REC8: variants seen among roughly 807,000 people sequenced by gnomAD.
The protein encoded by REC8 is meiotic recombination protein REC8 homolog.
REC8 carries 42 observed loss-of-function variants against 78.3 expected under a neutral mutation model. The ratio of observed to expected loss-of-function variants is 0.54; its 90% CI spans 0.42 to 0.69. REC8 has a LOEUF of 0.69. Ranked by LOEUF, REC8 falls within the 30% of genes least tolerant of loss-of-function variation. The pLI is 0.00. For missense variants in REC8, 581 were observed against 715.8 expected (o/e 0.81, Z 2.15); for synonymous variants, 268 against 274.1 (o/e 0.98, Z 0.22).
chr14:24,180,524 T>G, downstream of REC8: 1 of 1,614,064 alleles, frequency 6.2e-7, no homozygotes, highest in Non-Finnish European at 8.5e-7. Context: ...GCTGTCGGTG[T>G]GCTGTTTGGC....
chr14:24,179,323 C>T, intron 15 of REC8, 74 bp from the exon 16 acceptor site: 1 of 1,501,790 alleles, frequency 6.7e-7, no homozygotes. Context: ...CTGCCATCTA[C>T]TTACACCAGG....
chr14:24,177,904 C>T, intron 11 of REC8, 146 bp downstream of exon 11: 1 of 1,479,392 alleles, frequency 6.8e-7, no homozygotes, highest in Non-Finnish European at 9.0e-7. Context: ...CCCATCGTAT[C>T]TGGCCTACGC....
rs2038974967 is a variant in REC8, at chr14:24,177,953, C to T, written c.865-138C>T. The T allele has an allele frequency of 6.0e-6, 9 of 1,511,722 alleles. No homozygotes were observed. In the Middle Eastern group the frequency reaches 9.9e-4, roughly 166 times the overall value. 93.6% of individuals were successfully genotyped at this position (1,511,722 alleles called of 1,614,324 possible). On this transcript the variant is annotated intron_variant, in intron 11 of 18. Coordinates refer to ENST00000611366, the MANE Select transcript of REC8 (RefSeq NM_001048205.2). ...ACCCTTATGCAAGGTATGAGCTGCTCAAGTGCATGGAGACCCCGCACAAGC... is the reference window on the plus strand; with the variant it reads ...ACCCTTATGCAAGGTATGAGCTGCTTAAGTGCATGGAGACCCCGCACAAGC...
At position 24,179,009 on chromosome 14, in the gene REC8, G is replaced by T. The variant is rs776056482; in HGVS notation, c.1204-76G>T. Reference sequence around the variant, plus strand: ...TCCTGCTATGAGAGCCAACAGCACAGGCTCACTGGCCTTGTGCCTTCTGAG... The same window carrying T: ...TCCTGCTATGAGAGCCAACAGCACATGCTCACTGGCCTTGTGCCTTCTGAG... On this transcript the variant is annotated intron_variant, in intron 14 of 18. Transcript: ENST00000611366. 21 of 1,598,306 alleles carry T rather than the reference G, an allele frequency of 1.3e-5. No individual in the cohort carries two copies. The Admixed American group carries it at 3.5e-4, about 27-fold the overall frequency.
At position 24,180,200 on chromosome 14, in the gene REC8, G is replaced by T. The variant is rs761767696; in HGVS notation, c.*105G>T. Reference sequence around the variant, plus strand: ...CCTCATTTCTGAATGTGCATTTCCAGCCTTCTTGCTCTCAGAGCTATTGTT... The same window carrying T: ...CCTCATTTCTGAATGTGCATTTCCATCCTTCTTGCTCTCAGAGCTATTGTT... On this transcript the variant is annotated 3_prime_UTR_variant, in exon 19 of 19. Transcript: ENST00000611366. 2.5e-6 allele frequency: 4 copies of T among 1,603,784 alleles called. No individual in the cohort carries two copies. Among genetic ancestry groups the T allele is most frequent in the Non-Finnish European group, 1.7e-6 (2 of 1,176,828 alleles).
chr14:24,172,726 C>A lies in REC8; in HGVS notation c.70C>A (p.Arg24Ser), dbSNP rs543783644. 1 of 1,614,172 alleles carries A rather than the reference C, an allele frequency of 6.2e-7. No homozygotes were observed. Among genetic ancestry groups the A allele is most frequent in the South Asian group, 1.1e-5 (1 of 91,088 alleles). The change falls in exon 2 of 19, where the codon CGC becomes AGC. Residue 24 changes from arginine to serine, a missense_variant. Transcript: ENST00000611366. ...CFATIWLAAT[R>S]GSRLVKREYL... ...CACCCACTTCAGGCTGGCGGCGACT[C>A]GCGGCAGCCGGTTGGTGAAGCGCGA...
chr14:24,179,230 C>CGTGTGT, intron 15 of REC8, 97 bp downstream of exon 15: 1 of 1,243,704 alleles, frequency 8.0e-7, no homozygotes, highest in African/African-American at 1.5e-5. Flanking sequence ...TGAGTGAAGG[C>CGTGTGT]GTGTGTGTGT....
rs552406292 is a variant in REC8, at chr14:24,180,020, G to A, written c.1569G>A (p.Ala523=). ...TCGCCTCTTGACCAGTGCTCTCAGC[G>A]CAACAGATTCTTCACGTGAAACAAG... ...RVFYLLLVLS[A]QQILHVKQEK... is the part of the protein sequence containing the mutation. The change falls in exon 19 of 19, where the codon GCG becomes GCA. Residue 523 remains alanine, a synonymous_variant. Transcript: ENST00000611366. The A allele has an allele frequency of 1.5e-5, 25 of 1,614,116 alleles. No homozygotes were observed. In the African/African-American group the frequency reaches 2.3e-4, roughly 15 times the overall value.
Position 24,172,378 on chromosome 14 carries a change from C to T in REC8, c.-175C>T. ...CTCAGTTATCCTGGTAATTGTGTAT[C>T]TGCCCATTGTTCGTTGCCTCATTAA... On this transcript the variant is annotated 5_prime_UTR_variant, in exon 1 of 19. Transcript: ENST00000611366. The T allele has an allele frequency of 1.6e-6, 1 of 615,498 alleles. No individual in the cohort carries two copies. The allele number at this position is 615,498 out of a possible 1,614,324, so 38.1% of individuals were successfully genotyped here.
Position 24,177,426 on chromosome 14 carries a change from G to A in REC8, c.738-39G>A, listed in dbSNP as rs967420952. ...TAGACCAGGTAGGGTGTCAGTGCTGGGAAGGGTCTCCTCATTTCTCTTGCC... is the reference window on the plus strand; with the variant it reads ...TAGACCAGGTAGGGTGTCAGTGCTGAGAAGGGTCTCCTCATTTCTCTTGCC... On this transcript the variant is annotated intron_variant, in intron 9 of 18. Coordinates refer to ENST00000611366, the MANE Select transcript of REC8 (RefSeq NM_001048205.2). 5 of 1,614,028 alleles carry A rather than the reference G, an allele frequency of 3.1e-6. No individual in the cohort carries two copies. The African/African-American group carries it at 5.3e-5, about 17-fold the overall frequency.
At position 24,172,931 on chromosome 14, in the gene REC8, T is replaced by A. The variant is rs764580362; in HGVS notation, c.158T>A (p.Val53Glu). 1.2e-6 allele frequency: 2 copies of A among 1,611,486 alleles called. No homozygotes were observed. The highest frequency in any genetic ancestry group is 3.3e-5 in the Admixed American group (2 of 59,996). ...EEILNYVLVRVQPPQPGLPRP... is the reference protein window; with the variant it reads ...EEILNYVLVREQPPQPGLPRP... ...ATCCTCAATTACGTGCTGGTACGAG[T>A]GCAACCCCCGCAGCCCGGCCTGCCG... The change falls in exon 3 of 19, where the codon GTG becomes GAG. Residue 53 changes from valine (V) to glutamate (E), a missense_variant. Val to Glu is a moderately radical substitution (Grantham distance 121). Transcript: ENST00000611366.
At chr14:24,177,802 C>A in intron 11 of REC8, 44 bp downstream of exon 11, 1 of 1,522,748 alleles carries the variant, frequency 6.6e-7, no homozygotes, top group East Asian at 2.3e-5. Context: ...CCTCTTTGCC[C>A]TCCCCCACAA....
Position 24,179,133 on chromosome 14 carries a change from G to A in REC8, c.1252G>A (p.Glu418Lys), listed in dbSNP as rs1409021522. 1.3e-6 allele frequency: 2 copies of A among 1,571,974 alleles called. No individual in the cohort carries two copies. The highest frequency in any genetic ancestry group is 1.1e-5 in the South Asian group (1 of 87,306). ...CAGTGTTCCCCTTATGGTGTCTTTA[G>A]GTAAGCACCTAGAGAAGAGGCGCAG... ...EPSVPLMVSL[E>K]ISLEAAEEEK... The change falls in exon 15 of 19, where the codon GAG becomes AAG. Residue 418 changes from glutamate (E) to lysine (K), a missense_variant and splice_region_variant. Glu to Lys is a moderately conservative substitution (Grantham distance 56). Transcript: ENST00000611366.
intron 15 of REC8, 88 bp from the exon 16 acceptor site, chr14:24,179,309 G>T (rs751335620): frequency 5.0e-5 from 71 of 1,421,730 alleles, no homozygotes; most frequent in African/African-American, 7.1e-5. Flanking sequence ...GTCACCGCAC[G>T]GCTCTGCCAT....
intron 15 of REC8, 129 bp from the exon 16 acceptor site, chr14:24,179,268 C>A: frequency 8.2e-7 from 1 of 1,214,986 alleles, no homozygotes; most frequent in East Asian, 2.3e-5. Flanking sequence ...ACTGGTCCTC[C>A]TCAGCTCTCC....
Position 24,173,332 on chromosome 14 carries a change from C to G in REC8, c.383C>G (p.Thr128Ser). 1 of 1,614,182 alleles carries G rather than the reference C, an allele frequency of 6.2e-7. No homozygotes were observed. Among genetic ancestry groups the G allele is most frequent in the Non-Finnish European group, 8.5e-7 (1 of 1,180,016 alleles). Residue 128 changes from threonine to serine, a missense_variant, in exon 5 of 19, where the codon ACC becomes AGC. Transcript: ENST00000611366. ...LLPNHLAMMETLEDAPDPFFG... is the reference protein window; with the variant it reads ...LLPNHLAMMESLEDAPDPFFG... ...CCTAACCACCTGGCCATGATGGAGACCCTAGAAGATGCTCCAGATCCCTTT... is the reference window on the plus strand; with the variant it reads ...CCTAACCACCTGGCCATGATGGAGAGCCTAGAAGATGCTCCAGATCCCTTT...
chr14:24,180,009 G>A lies in REC8; in HGVS notation c.1559-1G>A. ...CTGCCCTCTCCTCGCCTCTTGACCA[G>A]TGCTCTCAGCGCAACAGATTCTTCA... On this transcript the variant is annotated splice_acceptor_variant, in intron 18 of 18. Transcript: ENST00000611366. LOFTEE classifies it high-confidence loss of function. 6.2e-7 allele frequency: 1 copy of A among 1,614,134 alleles called. No homozygotes were observed. The highest frequency in any genetic ancestry group is 8.5e-7 in the Non-Finnish European group (1 of 1,180,028).
chr14:24,179,744 C>G lies in REC8; in HGVS notation c.1451+18C>G. ...GTGCACAGGTACCAGGGAGGTGGCA[C>G]CTTGATGGGGTGGACCCGGGCTGAA... On this transcript the variant is annotated intron_variant, in intron 17 of 18. Coordinates refer to ENST00000611366, the MANE Select transcript of REC8 (RefSeq NM_001048205.2). The G allele has an allele frequency of 6.2e-7, 1 of 1,614,182 alleles. No homozygotes were observed. Among genetic ancestry groups the G allele is most frequent in the African/African-American group, 1.3e-5 (1 of 75,052 alleles).
chr14:24,177,353 T>C lies in REC8; in HGVS notation c.707T>C (p.Ile236Thr). Residue 236 changes from isoleucine to threonine, a missense_variant and splice_region_variant, in exon 9 of 19, where the codon ATC (isoleucine) becomes ACC (threonine). Ile to Thr is a moderately conservative substitution (Grantham distance 89). Coordinates refer to ENST00000611366, the MANE Select transcript of REC8 (RefSeq NM_001048205.2). ...AEEEEAILLE[I>T]PRLPPPAPAE... Reference sequence around the variant, plus strand: ...CTGAACTCTGATTCTCTCTCCACAGTCCCGCGGCTCCCACCTCCAGCTCCT... The same window carrying C: ...CTGAACTCTGATTCTCTCTCCACAGCCCCGCGGCTCCCACCTCCAGCTCCT... 6.2e-7 allele frequency: 1 copy of C among 1,614,118 alleles called. No homozygotes were observed. Among genetic ancestry groups the C allele is most frequent in the Non-Finnish European group, 8.5e-7 (1 of 1,180,022 alleles).
Sources: gnomAD v4.1 joint callset for allele counts on GRCh38, gnomAD v4.1.1 for gene constraint, MANE v1.5 for transcripts, NCBI Gene and HGNC (gene_info 2026-07-23, HGNC 2026-07-21) for gene names.